MYO15B: variants seen among roughly 807,000 people sequenced by gnomAD.
MYO15B encodes the protein myosin XVB pseudogene.
MYO15B carries 207 observed loss-of-function variants against 119.3 expected under a neutral mutation model. The observed-to-expected ratio is 1.73, with a 90% CI of 1.55 to 1.95. The LOEUF (loss-of-function observed/expected upper bound fraction) is 1.95, where lower values mean the gene tolerates loss of function less well. Ranked by LOEUF, MYO15B falls within the 30% of genes most tolerant of loss-of-function variation. The pLI is 0.00. For missense variants in MYO15B, 2,264 were observed against 1,203.1 expected (o/e 1.88, Z -13.04); for synonymous variants, 966 against 498.9 (o/e 1.94, Z -12.48).
At chr17:75,621,210 G>A in intron 50 of MYO15B, 34 bp downstream of exon 50, 1 of 670,032 alleles carries the variant, frequency 1.5e-6, no homozygotes, top group Non-Finnish European at 2.7e-6. Flanking sequence ...GTGCCTGTCT[G>A]TCCTCAGTCT....
chr17:75,592,412 C>T lies in MYO15B; in HGVS notation c.2716-16C>T. ...CCCCTAGGGCACTGAGCCCCTAAGC[C>T]AGTCCTGTCCCCAAGGCCCAGGCTG... On this transcript the variant is annotated splice_polypyrimidine_tract_variant and intron_variant, in intron 7 of 63. Transcript: ENST00000645453. The T allele has an allele frequency of 1.5e-6, 1 of 645,976 alleles. No homozygotes were observed. The highest frequency in any genetic ancestry group is 2.8e-6 in the Non-Finnish European group (1 of 359,150). The allele number at this position is 645,976 out of a possible 1,614,324, so 40.0% of individuals were successfully genotyped here. A position where few individuals can be genotyped will look rare whatever the true frequency, so the allele number is the denominator to read the frequency against.
intron 9 of MYO15B, among the ~76,000 whole-genome samples, chr17:75,593,724 A>G (rs1206853721): frequency 1.3e-5 from 2 of 151,976 alleles, no homozygotes; most frequent in African/African-American, 4.8e-5. Flanking sequence ...GTTCGAGACC[A>G]GCCTGACCAA....
At chr17:75,594,899 A>G (rs909339195) in exon 12 of MYO15B, 3 of 702,904 alleles carry the variant, frequency 4.3e-6, no homozygotes, top group South Asian at 1.5e-5. Flanking sequence ...AGGAGAACCA[A>G]TGCACGGCTG....
exon 24 of MYO15B, chr17:75,611,606 G>A (rs750767400): frequency 1.4e-6 from 1 of 702,790 alleles, no homozygotes; most frequent in South Asian, 1.5e-5. Flanking sequence ...GCCAGGAGCT[G>A]GGGCGCTTGG....
Position 75,616,416 on chromosome 17 carries a change from C to T in MYO15B, c.6214C>T (p.Gln2072Ter), listed in dbSNP as rs964745173. Reference sequence around the variant, plus strand: ...GGAGGAGGAGGAGGAGGAGGAGGAGCAGGAGGAGCAAGAAGTGGAAACAAG... The same window carrying T: ...GGAGGAGGAGGAGGAGGAGGAGGAGTAGGAGGAGCAAGAAGTGGAAACAAG... The change falls in exon 38 of 64, where the codon CAG becomes TAG. Residue 2072 changes from glutamine (Q) to a stop codon, truncating the protein, a stop_gained. Transcript: ENST00000645453. LOFTEE classifies it high-confidence loss of function. The T allele has an allele frequency of 1.6e-6, 1 of 623,100 alleles. No individual in the cohort carries two copies. Among genetic ancestry groups the T allele is most frequent in the African/African-American group, 1.9e-5 (1 of 53,896 alleles). The allele number at this position is 623,100 out of a possible 1,614,324, so 38.6% of individuals were successfully genotyped here. A position where few individuals can be genotyped will look rare whatever the true frequency, so the allele number is the denominator to read the frequency against.
At chr17:75,619,908 G>A (rs770061566) in exon 47 of MYO15B, 11 of 702,404 alleles carry the variant, frequency 1.6e-5, no homozygotes, top group Non-Finnish European at 1.8e-5. Context: ...GTGGAGTGCC[G>A]GGGCGGCTCC....
chr17:75,609,657 CCT>C (rs1045948529), intron 21 of MYO15B, among the ~76,000 whole-genome samples: 7 of 150,736 alleles, frequency 4.6e-5, no homozygotes, highest in African/African-American at 9.8e-5. Flanking sequence ...CCTCCCTCCT[CCT>C]CTCTCTCTTT....
chr17:75,621,377 A>G (rs1304539857), exon 51 of MYO15B: 3 of 701,626 alleles, frequency 4.3e-6, no homozygotes, highest in Non-Finnish European at 7.8e-6. Context: ...GCCGCAGGAA[A>G]GGACACGGAC....
rs1276555741 is a variant in MYO15B, at chr17:75,602,609, T to C, written c.3729+15T>C. The stretch of plus-strand genomic sequence containing the variant: ...GCCAGCTCCAGGTGCCCATCTGCCC[T>C]TCCAGGCCCCCACCCGCTCCATACT... On this transcript the variant is annotated intron_variant, in intron 16 of 63. Transcript: ENST00000645453. 1.5e-6 allele frequency: 1 copy of C among 659,658 alleles called. No homozygotes were observed. The highest frequency in any genetic ancestry group is 2.8e-6 in the Non-Finnish European group (1 of 362,850). The allele number at this position is 659,658 out of a possible 1,614,324, so 40.9% of individuals were successfully genotyped here.
chr17:75,624,670 G>A (rs763153063), intron 58 of MYO15B, 31 bp downstream of exon 58: 3 of 702,870 alleles, frequency 4.3e-6, no homozygotes, highest in Non-Finnish European at 5.2e-6. Context: ...TCACGGTGGG[G>A]CCACTCCCCT....
At chr17:75,618,048 C>G (rs1170894972) in intron 42 of MYO15B, 78 bp from the exon 43 acceptor site, 1 of 694,362 alleles carries the variant, frequency 1.4e-6, no homozygotes, top group East Asian at 2.7e-5. Flanking sequence ...GGCTGATTTT[C>G]CAGGCCTGGG....
intron 12 of MYO15B, among the ~76,000 whole-genome samples, chr17:75,595,450 G>A (rs2056795498): frequency 6.6e-6 from 1 of 152,196 alleles, no homozygotes; most frequent in Non-Finnish European, 1.5e-5. Flanking sequence ...ACAGAGCAGA[G>A]GCTCTGAGTG....
intron 19 of MYO15B, among the ~76,000 whole-genome samples, chr17:75,603,590 T>G (rs2057427805): frequency 6.6e-6 from 1 of 152,072 alleles, no homozygotes; most frequent in African/African-American, 2.4e-5. Flanking sequence ...AGAGATGAGG[T>G]GGGAGCAGTA....
At chr17:75,602,748 CT>C in intron 16 of MYO15B, 81 bp from the exon 17 acceptor site, 1 of 604,412 alleles carries the variant, frequency 1.7e-6, no homozygotes, top group East Asian at 2.7e-5. Context: ...ATGCCGAGGG[CT>C]GGTCCATTCT....
At chr17:75,619,460 G>A (rs915928814) in exon 45 of MYO15B, 7 of 702,496 alleles carry the variant, frequency 1.0e-5, no homozygotes, top group South Asian at 3.0e-5. Flanking sequence ...TACTTCTCCC[G>A]CTTCTTTCCT....
At chr17:75,591,405 A>G in intron 4 of MYO15B, 159 bp downstream of exon 4, 1 of 617,632 alleles carries the variant, frequency 1.6e-6, no homozygotes. Context: ...TCATCACATG[A>G]GCCCCTGGAA....
chr17:75,597,388 G>A (rs780083536), intron 14 of MYO15B, among the ~76,000 whole-genome samples: 19 of 152,198 alleles, frequency 1.2e-4, no homozygotes, highest in South Asian at 6.2e-4. Flanking sequence ...GTTTCAGCGC[G>A]CGTCCACATG....
chr17:75,622,482 G>T (rs898067903), intron 53 of MYO15B, among the ~76,000 whole-genome samples: 14 of 152,198 alleles, frequency 9.2e-5, no homozygotes, highest in Admixed American at 2.6e-4. Context: ...GAGCTGCAGG[G>T]AGAACGGAGG....
intron 25 of MYO15B, 77 bp downstream of exon 25, chr17:75,612,093 T>C (rs564268061): frequency 8.3e-5 from 56 of 673,424 alleles, no homozygotes; most frequent in South Asian, 8.1e-4. Flanking sequence ...TGCTGCGTTT[T>C]TTTCCCCGCT....
Sources: allele counts gnomAD v4.1 joint callset (sites outside exome capture counted in the v4.1 genomes callset), GRCh38; gene constraint gnomAD v4.1.1; transcripts MANE v1.5; gene names NCBI Gene and HGNC (gene_info 2026-07-23, HGNC 2026-07-21).